The following PSD3 variants were observed in gnomAD, a reference collection of about 807,000 sequenced individuals.
PSD3 encodes the protein pleckstrin and Sec7 domain containing 3.
PSD3 carries 49 observed loss-of-function variants against 105.5 expected under a neutral mutation model. That is an observed-to-expected ratio of 0.46 (90% CI 0.37 to 0.59). The LOEUF (loss-of-function observed/expected upper bound fraction) is 0.59. Among genes scored for constraint, PSD3 ranks in the 20% least tolerant of loss-of-function variants. PSD3 has a pLI of 0.00. For missense variants in PSD3, 1,561 were observed against 1,263.8 expected (o/e 1.24, Z -3.57); for synonymous variants, 557 against 457.8 (o/e 1.22, Z -2.77).
intron 11 of PSD3, among the ~76,000 whole-genome samples, chr8:18,615,802 C>A (rs1434179277): frequency 6.6e-6 from 1 of 152,202 alleles, no homozygotes; most frequent in East Asian, 1.9e-4. Flanking sequence ...TTTCCTCAAC[C>A]TCTGAAGCAC....
intron 1 of PSD3, among the ~76,000 whole-genome samples, chr8:18,994,601 A>G (rs1334037728): frequency 6.6e-6 from 1 of 152,082 alleles, no homozygotes; most frequent in Non-Finnish European, 1.5e-5. Flanking sequence ...ATTTCTAAGT[A>G]CAAGCAAAGA....
intron 2 of PSD3, among the ~76,000 whole-genome samples, chr8:18,909,710 C>G (rs1013002783): frequency 6.6e-6 from 1 of 152,188 alleles, no homozygotes. Context: ...TCTCAAACTC[C>G]TGACCTCAAG....
At chr8:18,851,661 A>G (rs1051546579) in intron 4 of PSD3, among the ~76,000 whole-genome samples, 1 of 152,246 alleles carries the variant, frequency 6.6e-6, no homozygotes, top group African/African-American at 2.4e-5. Context: ...AGCTCCAGAC[A>G]TTCCAGACAC....
intron 9 of PSD3, among the ~76,000 whole-genome samples, chr8:18,667,426 G>C (rs1232878437): frequency 1.3e-5 from 2 of 152,298 alleles, no homozygotes; most frequent in East Asian, 3.9e-4. Flanking sequence ...GCCGATTGGT[G>C]TATTCCCAAG....
chr8:18,755,735 T>C (rs1245364942), intron 9 of PSD3, among the ~76,000 whole-genome samples: 6 of 151,300 alleles, frequency 4.0e-5, no homozygotes, highest in Admixed American at 4.0e-4. Flanking sequence ...TAAAACATTG[T>C]AACAGACTTC....
At chr8:18,842,825 T>C (rs993479828) in intron 4 of PSD3, among the ~76,000 whole-genome samples, 1 of 152,166 alleles carries the variant, frequency 6.6e-6, no homozygotes, top group African/African-American at 2.4e-5. Flanking sequence ...CAAACATCTA[T>C]CAGGGATGAA....
chr8:18,563,614 A>C (rs545334022), intron 14 of PSD3, among the ~76,000 whole-genome samples: 1 of 152,324 alleles, frequency 6.6e-6, no homozygotes, highest in African/African-American at 2.4e-5. Flanking sequence ...GACCTTAAAC[A>C]CAGTATTTAA....
At chr8:19,034,146 T>C (rs1210320848) in intron 1 of PSD3, among the ~76,000 whole-genome samples, 1 of 152,106 alleles carries the variant, frequency 6.6e-6, no homozygotes, top group Admixed American at 6.5e-5. Context: ...GACTGGGGCG[T>C]CAGAATTAGT....
chr8:19,025,089 G>T (rs1827500309), intron 1 of PSD3, among the ~76,000 whole-genome samples: 1 of 152,208 alleles, frequency 6.6e-6, no homozygotes, highest in South Asian at 2.1e-4. Flanking sequence ...GGACCAATAA[G>T]ACCCTGAAAA....
At chr8:19,050,732 T>C (rs1331608272) in intron 1 of PSD3, among the ~76,000 whole-genome samples, 2 of 152,142 alleles carry the variant, frequency 1.3e-5, no homozygotes, top group Admixed American at 6.5e-5. Flanking sequence ...ATATACCTAA[T>C]GCTAATTGAC....
chr8:18,626,881 G>C (rs1418490694), intron 11 of PSD3, among the ~76,000 whole-genome samples: 2 of 152,068 alleles, frequency 1.3e-5, no homozygotes, highest in East Asian at 1.9e-4. Flanking sequence ...TAAACTGTTT[G>C]CTTTTACTTG....
chr8:18,641,783 G>T (rs772636069), intron 10 of PSD3, among the ~76,000 whole-genome samples: 1 of 152,148 alleles, frequency 6.6e-6, no homozygotes, highest in Non-Finnish European at 1.5e-5. Flanking sequence ...ATGATTGCAG[G>T]AAAATAAAGC....
intron 1 of PSD3, among the ~76,000 whole-genome samples, chr8:19,071,054 T>C (rs536007490): frequency 1.0e-3 from 148 of 147,966 alleles, no homozygotes; most frequent in African/African-American, 3.6e-3. Flanking sequence ...TCTCTCTTTC[T>C]TTTTTTTTTG....
intron 1 of PSD3, among the ~76,000 whole-genome samples, chr8:19,063,788 T>C (rs956636513): frequency 1.3e-5 from 2 of 152,148 alleles, no homozygotes; most frequent in African/African-American, 4.8e-5. Flanking sequence ...AAGAGTTGTT[T>C]TTTTATTTTT....
At chr8:18,565,940 C>A (rs1801715349) in intron 14 of PSD3, among the ~76,000 whole-genome samples, 1 of 151,916 alleles carries the variant, frequency 6.6e-6, no homozygotes, top group Non-Finnish European at 1.5e-5. Context: ...TCACAGAGGC[C>A]CTCACGACAA....
chr8:18,742,325 G>A (rs1340343814), intron 9 of PSD3, among the ~76,000 whole-genome samples: 2 of 151,942 alleles, frequency 1.3e-5, no homozygotes, highest in African/African-American at 4.8e-5. Context: ...AAAGACAGAC[G>A]GGCCTTAAAT....
chr8:18,749,721 G>A (rs760821649), intron 9 of PSD3, among the ~76,000 whole-genome samples: 7 of 152,138 alleles, frequency 4.6e-5, no homozygotes, highest in Non-Finnish European at 1.0e-4. Flanking sequence ...GAGGAGGTCA[G>A]ACAGTACCAG....
At chr8:18,998,607 A>G (rs1826208793) in intron 1 of PSD3, among the ~76,000 whole-genome samples, 2 of 152,006 alleles carry the variant, frequency 1.3e-5, no homozygotes, top group Non-Finnish European at 2.9e-5. Flanking sequence ...GAATCGCTTG[A>G]ACGCGGGAGG....
At chr8:18,970,978 C>CAAA (rs535176539) in intron 1 of PSD3, among the ~76,000 whole-genome samples, 1,753 of 115,610 alleles carry the variant, frequency 0.015, 51 homozygotes, top group African/African-American at 0.053. Flanking sequence ...GACTCTGTCT[C>CAAA]AAGAAAAAAA....
Sources: allele counts gnomAD v4.1 joint callset (sites outside exome capture counted in the v4.1 genomes callset), GRCh38; gene constraint gnomAD v4.1.1; transcripts MANE v1.5; gene names NCBI Gene and HGNC (gene_info 2026-07-23, HGNC 2026-07-21).